GRIK1: variants seen among roughly 807,000 people sequenced by gnomAD.
GRIK1 encodes the protein glutamate receptor ionotropic, kainate 1.
GRIK1 carries 69 observed loss-of-function variants against 105.7 expected under a neutral mutation model. The observed-to-expected ratio is 0.65, with a 90% confidence interval of 0.54 to 0.80. The LOEUF (loss-of-function observed/expected upper bound fraction) is 0.80. GRIK1 is among the 30% of genes least tolerant of loss of function. The probability of loss-of-function intolerance (pLI) is 0.00; values close to 1 mark genes in which losing one functional copy is unlikely to be tolerated. For synonymous variants in GRIK1, 438 were observed against 431.3 expected (o/e 1.02, Z -0.19); for missense variants, 1,109 against 1,167.3 (o/e 0.95, Z 0.73).
intron 1 of GRIK1, among the ~76,000 whole-genome samples, chr21:29,923,516 C>T (rs573770966): frequency 9.2e-5 from 14 of 152,206 alleles, no homozygotes; most frequent in African/African-American, 3.4e-4. Context: ...ATGAAATATA[C>T]CATGGAGTTA....
rs747553172 is a variant in GRIK1, at chr21:29,939,536, G to T, written c.-36C>A. 7.4e-7 allele frequency: 1 copy of T among 1,351,320 alleles called. No individual in the cohort carries two copies. The highest frequency in any genetic ancestry group is 2.1e-5 in the Admixed American group (1 of 48,220). 83.7% of individuals were successfully genotyped at this position (1,351,320 alleles called of 1,614,324 possible). A position where few individuals can be genotyped will look rare whatever the true frequency, so the allele number is the denominator to read the frequency against. On this transcript the variant is annotated 5_prime_UTR_variant, in exon 1 of 18. Coordinates refer to ENST00000327783, the MANE Select transcript of GRIK1 (RefSeq NM_001330994.2). Reference sequence around the variant, plus strand: ...TCTTAATTCATGCCGAGATACAGCCGCTGCCGGACGCCCGAGAGATGCACC... The same window carrying T: ...TCTTAATTCATGCCGAGATACAGCCTCTGCCGGACGCCCGAGAGATGCACC...
intron 7 of GRIK1, among the ~76,000 whole-genome samples, chr21:29,627,236 A>G (rs1409797963): frequency 6.6e-6 from 1 of 152,194 alleles, no homozygotes; most frequent in Non-Finnish European, 1.5e-5. Context: ...TTTCCCAATT[A>G]GTTGTTAACT....
chr21:29,576,815 G>A (rs2090905678), intron 14 of GRIK1, 149 bp downstream of exon 14: 7 of 598,936 alleles, frequency 1.2e-5, no homozygotes, highest in Non-Finnish European at 2.0e-5. Context: ...TCCTTATAAT[G>A]GGATTATGTA....
chr21:29,719,536 T>C (rs990004863), intron 1 of GRIK1, among the ~76,000 whole-genome samples: 6 of 152,250 alleles, frequency 3.9e-5, no homozygotes, highest in East Asian at 3.9e-4. Flanking sequence ...TTAAAACATA[T>C]AGGTTTCAAA....
chr21:29,721,739 C>T (rs1487178477), intron 1 of GRIK1, among the ~76,000 whole-genome samples: 1 of 152,188 alleles, frequency 6.6e-6, no homozygotes, highest in Non-Finnish European at 1.5e-5. Flanking sequence ...AAATCTCTGA[C>T]TGCAGTGAGA....
intron 1 of GRIK1, among the ~76,000 whole-genome samples, chr21:29,781,435 T>A (rs1270294632): frequency 6.6e-6 from 1 of 152,114 alleles, no homozygotes. Context: ...TCTTTATAAA[T>A]ACGTACCTAT....
chr21:29,925,185 A>G (rs532527850), intron 1 of GRIK1, among the ~76,000 whole-genome samples: 3 of 152,344 alleles, frequency 2.0e-5, no homozygotes, highest in Admixed American at 6.5e-5. Flanking sequence ...ATAACATCAC[A>G]TTGTTTCCCC....
intron 6 of GRIK1, among the ~76,000 whole-genome samples, chr21:29,644,216 G>A (rs2062572003): frequency 6.6e-6 from 1 of 151,998 alleles, no homozygotes; most frequent in Non-Finnish European, 1.5e-5. Context: ...TGAGGTCACG[G>A]AATACCTCTA....
chr21:29,913,451 G>T (rs769102254), intron 1 of GRIK1, among the ~76,000 whole-genome samples: 1 of 151,942 alleles, frequency 6.6e-6, no homozygotes, highest in Non-Finnish European at 1.5e-5. Flanking sequence ...GGTAGAAAAA[G>T]TATCCACGAC....
chr21:29,824,760 C>G (rs553662872), intron 1 of GRIK1, among the ~76,000 whole-genome samples: 1 of 151,926 alleles, frequency 6.6e-6, no homozygotes, highest in Non-Finnish European at 1.5e-5. Context: ...GTAAGGATTT[C>G]GCCTTATTTT....
intron 1 of GRIK1, among the ~76,000 whole-genome samples, chr21:29,702,996 C>T (rs1343010396): frequency 6.6e-6 from 1 of 152,170 alleles, no homozygotes; most frequent in Non-Finnish European, 1.5e-5. Flanking sequence ...AGAAAGTTTT[C>T]ATATTGGTCA....
rs150511008 is a variant in GRIK1, at chr21:29,933,065, A to G, written c.118+6318T>C. Among the ~76,000 whole-genome samples, 1,048 of 152,218 alleles carry G rather than the reference A, an allele frequency of 6.9e-3. 10 individuals are homozygous for G. The highest frequency in any genetic ancestry group is 0.024 in the African/African-American group (994 of 41,540). On this transcript the variant is annotated intron_variant, in intron 1 of 17. Coordinates refer to ENST00000327783, the MANE Select transcript of GRIK1 (RefSeq NM_001330994.2). The stretch of plus-strand genomic sequence containing the variant: ...CAATAAGTATTAAACATCTAAGTAT[A>G]CCTTTTTTAAAGAAAAAATATTTAT...
chr21:29,837,524 C>T (rs1422265049), intron 1 of GRIK1, among the ~76,000 whole-genome samples: 2 of 152,050 alleles, frequency 1.3e-5, no homozygotes, highest in Non-Finnish European at 2.9e-5. Context: ...AATAGGAGGA[C>T]TAGGCAACCA....
intron 7 of GRIK1, among the ~76,000 whole-genome samples, chr21:29,618,458 T>C (rs1350692556): frequency 6.6e-6 from 1 of 152,182 alleles, no homozygotes; most frequent in Non-Finnish European, 1.5e-5. Flanking sequence ...TGGCGATTCC[T>C]TAAAGAACTA....
At chr21:29,731,263 A>G (rs1024698711) in intron 1 of GRIK1, among the ~76,000 whole-genome samples, 1 of 152,216 alleles carries the variant, frequency 6.6e-6, no homozygotes, top group African/African-American at 2.4e-5. Context: ...ACACTCTCAT[A>G]ATAAGCAGAT....
Position 29,587,563 on chromosome 21 carries a change from A to G in GRIK1, c.1596T>C (p.Leu532=), listed in dbSNP as rs2091157858. The G allele has an allele frequency of 1.9e-6, 3 of 1,612,572 alleles. No homozygotes were observed. The South Asian group carries it at 3.3e-5, about 18-fold the overall frequency. The change falls in exon 12 of 18, where the codon CTT becomes CTC. Residue 532 remains leucine, a synonymous_variant. Transcript: ENST00000327783. ...CTTTCTCCCGCACGTAGGTGATGGT[A>G]AGAGGAGCCACTGCCAGGTCAGCCC... ...DHRADLAVAP[L]TITYVREKVI...
intron 16 of GRIK1, among the ~76,000 whole-genome samples, chr21:29,544,837 A>G (rs2090025768): frequency 6.6e-6 from 1 of 152,240 alleles, no homozygotes; most frequent in African/African-American, 2.4e-5. Flanking sequence ...GAAAAGTTCA[A>G]TCAGGTGATG....
intron 1 of GRIK1, among the ~76,000 whole-genome samples, chr21:29,725,274 T>C (rs2064428973): frequency 6.6e-6 from 1 of 152,156 alleles, no homozygotes; most frequent in South Asian, 2.1e-4. Context: ...AAGTAAACAT[T>C]GGAGAGTAAG....
intron 4 of GRIK1, among the ~76,000 whole-genome samples, chr21:29,671,900 A>C (rs1415372204): frequency 6.6e-6 from 1 of 152,104 alleles, no homozygotes; most frequent in Admixed American, 6.6e-5. Context: ...TGTGTATTAC[A>C]AGATGTTTAG....
Sources: gnomAD v4.1 joint callset for allele counts (sites outside exome capture counted in the v4.1 genomes callset) on GRCh38, gnomAD v4.1.1 for gene constraint, MANE v1.5 for transcripts, NCBI Gene and HGNC (gene_info 2026-07-23, HGNC 2026-07-21) for gene names.